GART: variants seen among roughly 807,000 people sequenced by gnomAD.
The protein encoded by GART is phosphoribosylglycinamide formyltransferase, phosphoribosylglycinamide synthetase, phosphoribosylaminoimidazole synthetase.
In GART, 43 loss-of-function variants were observed where a neutral mutation model predicts 107.2. The ratio of observed to expected loss-of-function variants is 0.40; its 90% CI spans 0.31 to 0.52. The LOEUF (loss-of-function observed/expected upper bound fraction) is 0.52. Ranked by LOEUF, GART falls within the 20% of genes least tolerant of loss-of-function variation. The pLI, the probability that GART is intolerant of heterozygous loss-of-function variation, is 0.52. For missense variants in GART, 1,107 were observed against 1,206.5 expected (o/e 0.92, Z 1.22); for synonymous variants, 434 against 427.0 (o/e 1.02, Z -0.20).
intron 3 of GART, among the ~76,000 whole-genome samples, 158 bp downstream of exon 3, chr21:33,535,067 T>C (rs568121801): frequency 1.3e-5 from 2 of 152,228 alleles, no homozygotes; most frequent in East Asian, 3.9e-4. Flanking sequence ...AACTGATGCT[T>C]GGGAAAAAAA....
intron 2 of GART, among the ~76,000 whole-genome samples, chr21:33,538,017 C>T (rs938021295): frequency 6.6e-6 from 1 of 151,742 alleles, no homozygotes; most frequent in East Asian, 1.9e-4. Context: ...CTGAGGCGGG[C>T]AGATCACCTG....
rs536422442 is a variant in GART, at chr21:33,527,246, T to C, written c.1066+921A>G. Among the ~76,000 whole-genome samples the C allele has an allele frequency of 2.0e-5, 3 of 152,166 alleles. No homozygotes were observed. In the South Asian group the frequency reaches 6.2e-4, roughly 32 times the overall value. ...TAAATACACTACTGGAGGCTGGGCA[T>C]GGTGGCTCAGACCTGTAATCCCAAT... On this transcript the variant is annotated intron_variant, in intron 10 of 21. Coordinates refer to ENST00000381815, the MANE Select transcript of GART (RefSeq NM_000819.5).
At chr21:33,535,433 T>G in intron 2 of GART, 113 bp from the exon 3 acceptor site, 1 of 595,684 alleles carries the variant, frequency 1.7e-6, no homozygotes, top group Non-Finnish European at 2.8e-6. Context: ...ATGCTTGTTA[T>G]CTGTTGGTTT....
intron 9 of GART, 88 bp downstream of exon 9, chr21:33,528,431 C>G: frequency 6.5e-7 from 1 of 1,550,024 alleles, no homozygotes; most frequent in South Asian, 1.1e-5. Context: ...CATGAATTTC[C>G]CAAAGGTAAT....
intron 2 of GART, among the ~76,000 whole-genome samples, chr21:33,536,997 T>C (rs569269138): frequency 6.6e-6 from 1 of 152,194 alleles, no homozygotes; most frequent in African/African-American, 2.4e-5. Flanking sequence ...AAAGGTAGGG[T>C]CCTCAATCTG....
intron 6 of GART, 171 bp downstream of exon 6, chr21:33,531,318 A>G: frequency 1.5e-6 from 1 of 650,772 alleles, no homozygotes; most frequent in East Asian, 2.5e-5. Context: ...CAGAGGATCG[A>G]TTATTTTTTC....
At chr21:33,527,667 A>G (rs2085099836) in intron 10 of GART, among the ~76,000 whole-genome samples, 3 of 152,098 alleles carry the variant, frequency 2.0e-5, no homozygotes, top group Non-Finnish European at 2.9e-5. Context: ...TACTTTATAT[A>G]AAGAGAGAGA....
chr21:33,527,801 C>A (rs1370182749), intron 10 of GART, among the ~76,000 whole-genome samples: 1 of 152,068 alleles, frequency 6.6e-6, no homozygotes, highest in Non-Finnish European at 1.5e-5. Flanking sequence ...AATTCAGAGT[C>A]CTCACCTCTA....
rs1014291616 is a variant in GART, at chr21:33,512,290, A to G, written c.2108-832T>C. Among the ~76,000 whole-genome samples the G allele has an allele frequency of 4.4e-4, 13 of 29,512 alleles. No homozygotes were observed. The East Asian group carries it at 0.022, about 50-fold the overall frequency. 19.4% of individuals were successfully genotyped at this position (29,512 alleles called of 152,430 possible). Reference sequence around the variant, plus strand: ...CAGAGTGAGACTCCGACTCAAATTGAAAAAAAAAAAAAAAAAAAAAAGAAT... The same window carrying G: ...CAGAGTGAGACTCCGACTCAAATTGGAAAAAAAAAAAAAAAAAAAAAGAAT... On this transcript the variant is annotated intron_variant, in intron 16 of 21. Transcript: ENST00000381815.
In GART at chr21:33,534,652, C is replaced by T; in HGVS notation, c.343G>A (p.Asp115Asn). 6.2e-7 allele frequency: 1 copy of T among 1,614,106 alleles called. No individual in the cohort carries two copies. The change falls in exon 4 of 22, where the codon GAC becomes AAC. Residue 115 changes from aspartate to asparagine, a missense_variant. Transcript: ENST00000381815. The part of the protein sequence containing the change: ...SSKRFAKEFM[D>N]RHGIPTAQWK... ...TGTGCGGTTGGGATTCCATGTCTGTCCATAAACTCTTTGGCAAACCTTTTG... is the reference window on the plus strand; with the variant it reads ...TGTGCGGTTGGGATTCCATGTCTGTTCATAAACTCTTTGGCAAACCTTTTG...
intron 14 of GART, chr21:33,519,111 T>A: frequency 3.5e-6 from 1 of 286,798 alleles, no homozygotes; most frequent in Admixed American, 4.3e-5. Flanking sequence ...TGCAATTTGG[T>A]TGTTTCTTTC....
rs2084951173 is a variant in GART, at chr21:33,520,447, C to T, written c.1619G>A (p.Cys540Tyr). The T allele has an allele frequency of 1.2e-6, 2 of 1,613,972 alleles. No homozygotes were observed. The highest frequency in any genetic ancestry group is 3.3e-5 in the Admixed American group (2 of 60,002). ...EPLFFLDYFSCGKLDLSVTEA... is the reference protein window; with the variant it reads ...EPLFFLDYFSYGKLDLSVTEA... ...AGTTACACTGAGGTCAAGTTTTCCACAGGAAAAGTAATCAAGGAAGAAGAG... is the reference window on the plus strand; with the variant it reads ...AGTTACACTGAGGTCAAGTTTTCCATAGGAAAAGTAATCAAGGAAGAAGAG... Residue 540 changes from cysteine (C) to tyrosine (Y), a missense_variant, in exon 14 of 22, where the codon TGT becomes TAT. Coordinates refer to ENST00000381815, the MANE Select transcript of GART (RefSeq NM_000819.5).
At chr21:33,517,735 G>T in intron 14 of GART, 127 bp from the exon 15 acceptor site, 1 of 937,306 alleles carries the variant, frequency 1.1e-6, no homozygotes, top group Non-Finnish European at 1.6e-6. Context: ...TTAAGAAAAT[G>T]TACTCTACCA....
At chr21:33,527,708 T>C (rs367579256) in intron 10 of GART, among the ~76,000 whole-genome samples, 1 of 152,150 alleles carries the variant, frequency 6.6e-6, no homozygotes, top group Non-Finnish European at 1.5e-5. Flanking sequence ...ACTTTGAAAC[T>C]GTTTGAATTT....
intron 7 of GART, among the ~76,000 whole-genome samples, chr21:33,529,919 GC>G (rs1406155482): frequency 1.3e-5 from 2 of 151,892 alleles, no homozygotes; most frequent in African/African-American, 2.4e-5. Context: ...AGAAGGCCAG[GC>G]ATGGTAGCTC....
At chr21:33,521,652 AG>A (rs2084976111) in intron 12 of GART, among the ~76,000 whole-genome samples, 1 of 147,572 alleles carries the variant, frequency 6.8e-6, no homozygotes, top group African/African-American at 2.5e-5. Context: ...AAAAAAAAAA[AG>A]GAAGTAATTA....
intron 6 of GART, 28 bp downstream of exon 6, chr21:33,531,461 C>A: frequency 6.2e-7 from 1 of 1,603,796 alleles, no homozygotes; most frequent in Non-Finnish European, 8.5e-7. Flanking sequence ...TTATACACTA[C>A]AAAAGCCAAA....
chr21:33,521,101 G>T, intron 12 of GART, 86 bp from the exon 13 acceptor site: 1 of 1,094,068 alleles, frequency 9.1e-7, no homozygotes, highest in Non-Finnish European at 1.4e-6. Context: ...AAAAAAACCA[G>T]TATATTTAGC....
In GART at chr21:33,528,341, A is replaced by G; in HGVS notation, c.898-6T>C. The G allele has an allele frequency of 6.2e-7, 1 of 1,613,402 alleles. No individual in the cohort carries two copies. Among genetic ancestry groups the G allele is most frequent in the Non-Finnish European group, 8.5e-7 (1 of 1,179,544 alleles). ...TTAAGAAGTGGGAGGATTACCTGGA[A>G]AAACATAATCCACATGGCAGGTGGG... On this transcript the variant is annotated splice_region_variant and splice_polypyrimidine_tract_variant and intron_variant, in intron 9 of 21. Coordinates refer to ENST00000381815, the MANE Select transcript of GART (RefSeq NM_000819.5).
Sources: allele counts gnomAD v4.1 joint callset (sites outside exome capture counted in the v4.1 genomes callset), GRCh38; gene constraint gnomAD v4.1.1; transcripts MANE v1.5; gene names NCBI Gene and HGNC (gene_info 2026-07-23, HGNC 2026-07-21).